Variants in DPYD observed in about 807,000 individuals in gnomAD.
The protein encoded by DPYD is dihydropyrimidine dehydrogenase [NADP(+)].
Under a neutral mutation model 116.2 loss-of-function variants are expected in DPYD, and 109 were observed. The observed-to-expected ratio is 0.94, with a 90% CI of 0.80 to 1.10. DPYD has a LOEUF of 1.10. Among genes scored for constraint, DPYD ranks in the 50% least tolerant of loss-of-function variants. The pLI, the probability that DPYD is intolerant of heterozygous loss-of-function variation, is 0.00. For missense variants in DPYD, 1,302 were observed against 1,254.5 expected (o/e 1.04, Z -0.57); for synonymous variants, 440 against 432.0 (o/e 1.02, Z -0.23).
At chr1:97,497,469 G>C (rs2786777) in intron 13 of DPYD, among the ~76,000 whole-genome samples, 27,194 of 151,558 alleles carry the variant, frequency 0.18, 2,610 homozygotes, top group East Asian at 0.26. Context: ...TCTGAATAAG[G>C]GGAAAAAAAT....
intron 13 of DPYD, among the ~76,000 whole-genome samples, chr1:97,501,649 T>C (rs569192196): frequency 1.3e-5 from 2 of 151,820 alleles, no homozygotes; most frequent in Non-Finnish European, 2.9e-5. Flanking sequence ...AGTTCAAGGA[T>C]ACAGTGAATC....
At chr1:97,266,908 T>C (rs1664273425) in intron 18 of DPYD, among the ~76,000 whole-genome samples, 1 of 152,162 alleles carries the variant, frequency 6.6e-6, no homozygotes, top group Non-Finnish European at 1.5e-5. Context: ...ATGTGCCACA[T>C]TTTCTTAATC....
chr1:97,140,884 G>T (rs1654166035), intron 20 of DPYD, among the ~76,000 whole-genome samples: 1 of 152,142 alleles, frequency 6.6e-6, no homozygotes, highest in Non-Finnish European at 1.5e-5. Flanking sequence ...GATGTTTCTG[G>T]CTTGTTTTGA....
intron 11 of DPYD, among the ~76,000 whole-genome samples, chr1:97,566,754 T>A (rs1429478900): frequency 6.6e-6 from 1 of 152,160 alleles, no homozygotes; most frequent in East Asian, 1.9e-4. Context: ...AAAGAGTGGT[T>A]AGTTGTTCAA....
chr1:97,506,303 A>C lies in DPYD; in HGVS notation c.1740+9423T>G, dbSNP rs370655777. On this transcript the variant is annotated intron_variant, in intron 13 of 22. Transcript: ENST00000370192. ...TTAAAAAGCAATAAAGAAAATACAA[A>C]GGCAAGGAGAATATTATGGAATTCA... Among the ~76,000 whole-genome samples, 4 of 152,106 alleles carry C rather than the reference A, an allele frequency of 2.6e-5. No homozygotes were observed. The East Asian group carries it at 7.8e-4, about 30-fold the overall frequency.
intron 12 of DPYD, among the ~76,000 whole-genome samples, chr1:97,540,642 G>A (rs1486582558): frequency 6.6e-6 from 1 of 152,110 alleles, no homozygotes; most frequent in Non-Finnish European, 1.5e-5. Context: ...GAGTTTTTAT[G>A]GAAAGTTCAT....
intron 21 of DPYD, among the ~76,000 whole-genome samples, chr1:97,085,822 G>A (rs1408973222): frequency 2.0e-5 from 3 of 152,140 alleles, no homozygotes; most frequent in Admixed American, 6.5e-5. Flanking sequence ...CACCCATTTG[G>A]ATGTATGAAG....
intron 16 of DPYD, among the ~76,000 whole-genome samples, chr1:97,319,327 A>G (rs912621408): frequency 1.1e-4 from 17 of 150,816 alleles, no homozygotes; most frequent in African/African-American, 4.2e-4. Flanking sequence ...AAATTGATAG[A>G]CTGCTAGCAA....
At chr1:97,658,233 T>C (rs1408162877) in intron 8 of DPYD, among the ~76,000 whole-genome samples, 3 of 152,194 alleles carry the variant, frequency 2.0e-5, no homozygotes, top group Non-Finnish European at 4.4e-5. Flanking sequence ...ATATATTTCC[T>C]AATGAGGTTT....
intron 8 of DPYD, among the ~76,000 whole-genome samples, chr1:97,662,289 A>C (rs1030624416): frequency 7.9e-5 from 12 of 151,782 alleles, no homozygotes; most frequent in African/African-American, 2.7e-4. Flanking sequence ...GGTGTCAGCC[A>C]CCGCACCTGG....
intron 18 of DPYD, among the ~76,000 whole-genome samples, chr1:97,284,201 AT>A (rs1665511982): frequency 6.6e-6 from 1 of 152,136 alleles, no homozygotes; most frequent in African/African-American, 2.4e-5. Context: ...ACAATATTAA[AT>A]AACAATGTTC....
chr1:97,228,243 T>C (rs1250807958), intron 19 of DPYD, among the ~76,000 whole-genome samples: 5 of 151,968 alleles, frequency 3.3e-5, no homozygotes, highest in African/African-American at 9.7e-5. Context: ...AATGAATGAA[T>C]GAATTATTCT....
chr1:97,080,578 C>G (rs1649085941), intron 22 of DPYD, among the ~76,000 whole-genome samples: 2 of 151,972 alleles, frequency 1.3e-5, no homozygotes. Context: ...AATATCTGTC[C>G]ACACAAATTG....
At chr1:97,209,962 C>T (rs1369155636) in intron 19 of DPYD, among the ~76,000 whole-genome samples, 6 of 152,156 alleles carry the variant, frequency 3.9e-5, no homozygotes, top group Admixed American at 6.6e-5. Flanking sequence ...TGGTTCATAT[C>T]TGCCAAACGA....
Position 97,691,188 on chromosome 1 carries a change from G to A in DPYD, c.762+529C>T, listed in dbSNP as rs557796565. ...GATGTGTCAAATTTTCAACCATCTC[G>A]AAAAGAATAACACAATATTTATTTA... On this transcript the variant is annotated intron_variant, in intron 7 of 22. Coordinates refer to ENST00000370192, the MANE Select transcript of DPYD (RefSeq NM_000110.4). The A allele has an allele frequency of 1.9e-3, 297 of 152,516 alleles. 1 individual carries two copies. The highest frequency in any genetic ancestry group is 3.4e-3 in the Non-Finnish European group (235 of 68,248). 9.4% of individuals were successfully genotyped at this position (152,516 alleles called of 1,614,324 possible).
At chr1:97,126,909 T>A (rs1652887260) in intron 20 of DPYD, among the ~76,000 whole-genome samples, 1 of 152,222 alleles carries the variant, frequency 6.6e-6, no homozygotes, top group African/African-American at 2.4e-5. Context: ...TACCTTGCTC[T>A]GCCTGGGCAG....
chr1:97,316,779 T>C (rs2101080453), intron 16 of DPYD, among the ~76,000 whole-genome samples: 1 of 152,012 alleles, frequency 6.6e-6, no homozygotes, highest in East Asian at 2.0e-4. Flanking sequence ...TGAGCCTCTA[T>C]GCCTGCCTGA....
intron 12 of DPYD, among the ~76,000 whole-genome samples, chr1:97,518,526 C>T (rs1277368686): frequency 6.6e-6 from 1 of 152,078 alleles, no homozygotes; most frequent in Non-Finnish European, 1.5e-5. Flanking sequence ...AGGTTAATTC[C>T]TCCCAAACCT....
intron 22 of DPYD, 56 bp downstream of exon 22, chr1:97,082,274 C>CA: frequency 6.2e-7 from 1 of 1,609,710 alleles, no homozygotes; most frequent in Non-Finnish European, 8.5e-7. Flanking sequence ...TGCTTTCTGC[C>CA]GTAAAAACAA....
Sources: gnomAD v4.1 joint callset for allele counts (sites outside exome capture counted in the v4.1 genomes callset) on GRCh38, gnomAD v4.1.1 for gene constraint, MANE v1.5 for transcripts, NCBI Gene and HGNC (gene_info 2026-07-23, HGNC 2026-07-21) for gene names.